NEK6: variants seen among roughly 807,000 people sequenced by gnomAD.
NEK6 encodes serine/threonine-protein kinase Nek6.
In NEK6, 27 loss-of-function variants were observed where a neutral mutation model predicts 43.5. The ratio of observed to expected loss-of-function variants is 0.62; its 90% confidence interval spans 0.46 to 0.86. NEK6 has a LOEUF of 0.86. Ranked by LOEUF, NEK6 falls within the 40% of genes least tolerant of loss-of-function variation. The probability of loss-of-function intolerance (pLI) is 0.00; values close to 1 mark genes in which losing one functional copy is unlikely to be tolerated. For missense variants in NEK6, 318 were observed against 414.4 expected, an observed-to-expected ratio of 0.77 and a Z score of 2.02; for synonymous variants, 167 against 164.1, an observed-to-expected ratio of 1.02 and a Z score of -0.14.
intron 1 of NEK6, among the ~76,000 whole-genome samples, chr9:124,295,662 T>TA (rs1477680786): frequency 6.6e-6 from 1 of 152,048 alleles, no homozygotes; most frequent in East Asian, 1.9e-4. Context: ...TAGGGGTCTG[T>TA]AAGTGTGAAC....
intron 1 of NEK6, among the ~76,000 whole-genome samples, chr9:124,259,687 A>C (rs1272695710): frequency 6.6e-6 from 1 of 152,142 alleles, no homozygotes; most frequent in Non-Finnish European, 1.5e-5. Context: ...CCTGGCAGAG[A>C]GCCTGACGGG....
chr9:124,316,701 G>A (rs1359564634), intron 4 of NEK6, among the ~76,000 whole-genome samples: 1 of 152,170 alleles, frequency 6.6e-6, no homozygotes, highest in African/African-American at 2.4e-5. Flanking sequence ...CTGGACCTTG[G>A]CGATTTAGCC....
chr9:124,257,848 C>G (rs1013336873), upstream of NEK6: 64 of 1,092,762 alleles, frequency 5.9e-5, no homozygotes, highest in African/African-American at 2.8e-4. Context: ...GGGGCGCCCC[C>G]CGCCCCTCAA....
Position 124,347,766 on chromosome 9 carries a change from C to T in NEK6, c.775C>T (p.Gln259Ter). Reference protein sequence around the residue: ...GDKMNLFSLCQKIEQCDYPPL... With the variant: ...GDKMNLFSLC ...TAAGATGAATCTCTTCTCCCTGTGC[C>T]AGAAGATCGAGCAGTGTGACTACCC... Residue 259 changes from glutamine to a stop codon, truncating the protein, a stop_gained, in exon 9 of 10, where the codon CAG (glutamine) becomes TAG (stop). Transcript: ENST00000320246. LOFTEE classifies it high-confidence loss of function. 1 of 1,613,394 alleles carries T rather than the reference C, an allele frequency of 6.2e-7. No homozygotes were observed. Among genetic ancestry groups the T allele is most frequent in the Non-Finnish European group, 8.5e-7 (1 of 1,179,626 alleles).
intron 1 of NEK6, among the ~76,000 whole-genome samples, chr9:124,285,288 C>G (rs1402492431): frequency 2.6e-5 from 4 of 152,160 alleles, no homozygotes; most frequent in Admixed American, 2.6e-4. Flanking sequence ...GCGTTGGTAG[C>G]ACCGTTTCCA....
At chr9:124,306,821 C>A (rs1186165601) in intron 2 of NEK6, among the ~76,000 whole-genome samples, 2 of 152,188 alleles carry the variant, frequency 1.3e-5, no homozygotes, top group Non-Finnish European at 2.9e-5. Flanking sequence ...TAAAATATAT[C>A]GCTATATACA....
intron 1 of NEK6, among the ~76,000 whole-genome samples, chr9:124,278,151 C>T (rs1288893365): frequency 6.6e-6 from 1 of 152,204 alleles, no homozygotes; most frequent in Non-Finnish European, 1.5e-5. Flanking sequence ...GTACTCGGTA[C>T]AGGACCATGC....
Position 124,296,927 on chromosome 9 carries a change from C to T in NEK6, c.-29-5009C>T, listed in dbSNP as rs575879993. The stretch of plus-strand genomic sequence containing the variant: ...AGCCAGCCCATTACAGCAGCCGATC[C>T]CTTCCAGCAGGTGCCTGGATTAAAA... On this transcript the variant is annotated intron_variant, in intron 1 of 9. Transcript: ENST00000320246. 2.6e-5 allele frequency among the ~76,000 whole-genome samples: 4 copies of T among 152,344 alleles called. No homozygotes were observed. The South Asian group carries it at 8.3e-4, about 32-fold the overall frequency.
At chr9:124,269,758 G>A (rs1253081399) in intron 1 of NEK6, among the ~76,000 whole-genome samples, 2 of 152,128 alleles carry the variant, frequency 1.3e-5, no homozygotes, top group African/African-American at 2.4e-5. Context: ...CACATAGTAG[G>A]TGCTCAGGAA....
intron 1 of NEK6, among the ~76,000 whole-genome samples, chr9:124,285,246 C>T (rs953311712): frequency 8.5e-5 from 13 of 152,150 alleles, no homozygotes; most frequent in Admixed American, 1.3e-4. Flanking sequence ...TCAGACTTTT[C>T]GGGAAGCCCT....
At chr9:124,288,939 T>C (rs914102698) in intron 1 of NEK6, among the ~76,000 whole-genome samples, 2 of 152,164 alleles carry the variant, frequency 1.3e-5, no homozygotes, top group African/African-American at 4.8e-5. Flanking sequence ...CTTCTGTGAT[T>C]CAGCAACGCA....
chr9:124,258,802 C>G (rs1175900690), intron 1 of NEK6, among the ~76,000 whole-genome samples: 1 of 152,238 alleles, frequency 6.6e-6, no homozygotes, highest in Non-Finnish European at 1.5e-5. Flanking sequence ...GTCTTAGAGC[C>G]AGGCTGCGGC....
chr9:124,294,433 A>C (rs936447335), intron 1 of NEK6, among the ~76,000 whole-genome samples: 70 of 152,102 alleles, frequency 4.6e-4, no homozygotes, highest in African/African-American at 1.5e-3. Context: ...CGGAGGTTGC[A>C]GTCAGCAGAG....
At chr9:124,303,343 A>G (rs1833091531) in intron 2 of NEK6, among the ~76,000 whole-genome samples, 1 of 138,784 alleles carries the variant, frequency 7.2e-6, no homozygotes. Context: ...TCCCTCTTGG[A>G]AGACTTCAGA....
chr9:124,327,310 C>T (rs1443318319), intron 6 of NEK6, 28 bp from the exon 7 acceptor site: 2 of 1,601,556 alleles, frequency 1.2e-6, no homozygotes, highest in Admixed American at 3.3e-5. Context: ...TCCTACCCCA[C>T]ACCAATCTCC....
At chr9:124,347,097 C>T (rs766560322) in intron 8 of NEK6, among the ~76,000 whole-genome samples, 1 of 152,236 alleles carries the variant, frequency 6.6e-6, no homozygotes, top group Non-Finnish European at 1.5e-5. Flanking sequence ...CATGCTGCTG[C>T]GCACCTCTAT....
chr9:124,257,723 T>G (rs1488860324), upstream of NEK6: 3 of 1,532,518 alleles, frequency 2.0e-6, no homozygotes, highest in Non-Finnish European at 2.6e-6. Flanking sequence ...CTGCGCCCTG[T>G]GAGTCTGGGC....
At chr9:124,270,037 A>T (rs986614319) in intron 1 of NEK6, among the ~76,000 whole-genome samples, 1 of 151,972 alleles carries the variant, frequency 6.6e-6, no homozygotes, top group Non-Finnish European at 1.5e-5. Context: ...AGCCACCTGG[A>T]ATGTGCCAGC....
At chr9:124,289,495 ATACACACCTCCATG>A in intron 1 of NEK6, among the ~76,000 whole-genome samples, 1 of 152,054 alleles carries the variant, frequency 6.6e-6, no homozygotes, top group African/African-American at 2.4e-5. Context: ...ATGCCTCCAT[ATACACACCTCCATG>A]GCTGTGTGTT....
Sources: gnomAD v4.1 joint callset for allele counts (sites outside exome capture counted in the v4.1 genomes callset) on GRCh38, gnomAD v4.1.1 for gene constraint, MANE v1.5 for transcripts, NCBI Gene and HGNC (gene_info 2026-07-23, HGNC 2026-07-21) for gene names.